CNTNAP2: variants seen among roughly 807,000 people sequenced by gnomAD.
The protein encoded by CNTNAP2 is contactin associated protein 2, also known as contactin-associated protein-like 2.
Under a neutral mutation model 155.2 loss-of-function variants are expected in CNTNAP2, and 98 were observed. The ratio of observed to expected loss-of-function variants is 0.63; its 90% CI spans 0.54 to 0.75. CNTNAP2 has a LOEUF of 0.75. CNTNAP2 is among the 30% of genes least tolerant of loss of function. The pLI is 0.00. For synonymous variants in CNTNAP2, 651 were observed against 631.2 expected (o/e 1.03, Z -0.47); for missense variants, 1,727 against 1,688.1 (o/e 1.02, Z -0.40).
intron 11 of CNTNAP2, among the ~76,000 whole-genome samples, chr7:147,561,684 T>G (rs967199987): frequency 6.6e-6 from 1 of 152,130 alleles, no homozygotes; most frequent in South Asian, 2.1e-4. Flanking sequence ...AAAAAATAAG[T>G]GTGCATGTGA....
intron 4 of CNTNAP2, chr7:147,082,632 G>T (rs1584826500): frequency 1.3e-5 from 2 of 152,178 alleles, no homozygotes; most frequent in South Asian, 4.2e-4. Context: ...CCTCTTCTGT[G>T]CTTTGAAAGA....
intron 1 of CNTNAP2, among the ~76,000 whole-genome samples, chr7:146,654,295 C>A (rs1314484912): frequency 3.3e-5 from 5 of 151,872 alleles, no homozygotes; most frequent in Admixed American, 3.3e-4. Context: ...CGGCTCCAAG[C>A]AGATAGATGG....
intron 1 of CNTNAP2, among the ~76,000 whole-genome samples, chr7:146,550,429 T>TTC (rs1445469941): frequency 7.3e-6 from 1 of 136,300 alleles, no homozygotes; most frequent in South Asian, 2.2e-4. Context: ...TTTTTTTTTT[T>TTC]ATAAAGTACC....
intron 6 of CNTNAP2, 117 bp from the exon 7 acceptor site, chr7:147,128,576 A>G (rs896289045): frequency 1.1e-5 from 13 of 1,142,190 alleles, no homozygotes; most frequent in Non-Finnish European, 1.6e-5. Context: ...GCAGAATGCT[A>G]TAATATTTGT....
At chr7:148,147,761 T>C (rs748121261) in intron 17 of CNTNAP2, 52 bp downstream of exon 17, 2 of 1,491,142 alleles carry the variant, frequency 1.3e-6, no homozygotes, top group African/African-American at 3.2e-5. Flanking sequence ...TTTAAGAGCC[T>C]GCACAATACA....
At chr7:146,807,866 T>G (rs771801946) in intron 2 of CNTNAP2, among the ~76,000 whole-genome samples, 26 of 152,166 alleles carry the variant, frequency 1.7e-4, no homozygotes, top group Non-Finnish European at 3.2e-4. Flanking sequence ...GTCTGCCCAC[T>G]CCTTCCTTTG....
chr7:148,331,725 T>TGGAC (rs1798023480), intron 21 of CNTNAP2, among the ~76,000 whole-genome samples: 2 of 109,642 alleles, frequency 1.8e-5, no homozygotes, highest in Admixed American at 1.7e-4. Flanking sequence ...ACGGATGGAT[T>TGGAC]GGATGGATGG....
intron 14 of CNTNAP2, among the ~76,000 whole-genome samples, chr7:147,977,582 T>C (rs894386552): frequency 3.9e-5 from 6 of 152,152 alleles, no homozygotes; most frequent in African/African-American, 1.4e-4. Context: ...TGTGGTGTAC[T>C]CTCTACCTAA....
intron 15 of CNTNAP2, among the ~76,000 whole-genome samples, chr7:148,008,959 C>A (rs145045482): frequency 6.6e-6 from 1 of 152,158 alleles, no homozygotes; most frequent in Non-Finnish European, 1.5e-5. Flanking sequence ...GAAAGAATAA[C>A]ATTATGTGGA....
intron 8 of CNTNAP2, among the ~76,000 whole-genome samples, chr7:147,234,334 C>CTTTT (rs1225048153): frequency 0.043 from 4,607 of 107,380 alleles, 327 homozygotes; most frequent in African/African-American, 0.091. Flanking sequence ...CAAGAGTATT[C>CTTTT]TTTTTTTTTT....
chr7:148,312,421 C>T lies in CNTNAP2; in HGVS notation c.3475+45295C>T, dbSNP rs143413848. Reference sequence around the variant, plus strand: ...AATGGGAGCTGTCTGTGAAGCCTTGCGGCAGTACAGCCCAGGTAATTTGCT... The same window carrying T: ...AATGGGAGCTGTCTGTGAAGCCTTGTGGCAGTACAGCCCAGGTAATTTGCT... On this transcript the variant is annotated intron_variant, in intron 21 of 23. Coordinates refer to ENST00000361727, the MANE Select transcript of CNTNAP2 (RefSeq NM_014141.6). 8.8e-3 allele frequency among the ~76,000 whole-genome samples: 1,335 copies of T among 152,202 alleles called. 8 individuals are homozygous for T. Among genetic ancestry groups the T allele is most frequent in the Non-Finnish European group, 0.013 (888 of 68,006 alleles).
chr7:147,268,232 T>TAAA (rs1804660224), intron 8 of CNTNAP2, among the ~76,000 whole-genome samples: 1 of 152,158 alleles, frequency 6.6e-6, no homozygotes, highest in Non-Finnish European at 1.5e-5. Flanking sequence ...ACATCCTCTT[T>TAAA]TTTGACACTC....
chr7:148,230,651 C>G (rs1162917871), intron 20 of CNTNAP2, among the ~76,000 whole-genome samples: 2 of 152,306 alleles, frequency 1.3e-5, no homozygotes, highest in East Asian at 3.9e-4. Context: ...AGCCCTATCT[C>G]TTTTGAGCAC....
At chr7:147,128,191 T>C (rs1801278978) in intron 6 of CNTNAP2, among the ~76,000 whole-genome samples, 2 of 152,304 alleles carry the variant, frequency 1.3e-5, no homozygotes, top group Middle Eastern at 3.4e-3. Flanking sequence ...ATAAATCTAA[T>C]GAATTTTTGA....
rs556560961 is a variant in CNTNAP2, at chr7:146,595,784, A to G, written c.98-178487A>G. ...TGGTAGAGCAGTATCTTAATTTCATATACATAAATCAAAGTTGTTTCTGGA... is the reference window on the plus strand; with the variant it reads ...TGGTAGAGCAGTATCTTAATTTCATGTACATAAATCAAAGTTGTTTCTGGA... On this transcript the variant is annotated intron_variant, in intron 1 of 23. Transcript: ENST00000361727. Among the ~76,000 whole-genome samples, 71 of 152,160 alleles carry G rather than the reference A, an allele frequency of 4.7e-4. No homozygotes were observed. In the South Asian group the frequency reaches 8.9e-3, roughly 19 times the overall value.
At chr7:147,066,876 C>A (rs1799788471) in intron 4 of CNTNAP2, among the ~76,000 whole-genome samples, 1 of 152,128 alleles carries the variant, frequency 6.6e-6, no homozygotes, top group African/African-American at 2.4e-5. Flanking sequence ...GACTGGAAAT[C>A]TAAGATCAGG....
At chr7:147,323,889 T>G (rs982043253) in intron 9 of CNTNAP2, among the ~76,000 whole-genome samples, 1 of 111,490 alleles carries the variant, frequency 9.0e-6, no homozygotes, top group Non-Finnish European at 1.8e-5. Context: ...ATAAATTTCT[T>G]GCCTTTAATT....
chr7:146,529,341 A>G (rs1797735089), intron 1 of CNTNAP2, among the ~76,000 whole-genome samples: 2 of 152,168 alleles, frequency 1.3e-5, no homozygotes, highest in Admixed American at 1.3e-4. Context: ...TGTGAAGCAG[A>G]TAAAATGGTC....
intron 9 of CNTNAP2, among the ~76,000 whole-genome samples, chr7:147,389,796 T>C (rs968970884): frequency 4.6e-5 from 7 of 152,252 alleles, no homozygotes; most frequent in Non-Finnish European, 7.3e-5. Flanking sequence ...ATGACCCATG[T>C]ATAGACATTG....
Sources: allele counts gnomAD v4.1 joint callset (sites outside exome capture counted in the v4.1 genomes callset), GRCh38; gene constraint gnomAD v4.1.1; transcripts MANE v1.5; gene names NCBI Gene and HGNC (gene_info 2026-07-23, HGNC 2026-07-21).